The following GPATCH2L variants were observed in gnomAD, a reference collection of about 807,000 sequenced individuals.
The protein encoded by GPATCH2L is G patch domain-containing protein 2-like.
A neutral mutation model predicts 57.4 loss-of-function variants in GPATCH2L; 31 were observed. The observed-to-expected ratio is 0.54, with a 90% CI of 0.41 to 0.73. The LOEUF is 0.73. GPATCH2L is among the 30% of genes least tolerant of loss of function. GPATCH2L has a pLI of 0.00. For missense variants in GPATCH2L, 481 were observed against 599.9 expected, an observed-to-expected ratio of 0.80 and a Z score of 2.07; for synonymous variants, 199 against 210.7, an observed-to-expected ratio of 0.94 and a Z score of 0.48.
intron 2 of GPATCH2L, among the ~76,000 whole-genome samples, chr14:76,163,924 T>A (rs1385764062): frequency 6.6e-6 from 1 of 152,206 alleles, no homozygotes; most frequent in Non-Finnish European, 1.5e-5. Context: ...AAGATATTTT[T>A]TTTCCCTGGC....
chr14:76,179,561 G>A (rs2039476838), intron 7 of GPATCH2L: 1 of 152,188 alleles, frequency 6.6e-6, no homozygotes, highest in African/African-American at 2.4e-5. Flanking sequence ...CAAACTATTT[G>A]CCCAAAGTGA....
chr14:76,181,050 TTAAG>T (rs2039542559), intron 8 of GPATCH2L, among the ~76,000 whole-genome samples: 2 of 152,228 alleles, frequency 1.3e-5, no homozygotes, highest in Non-Finnish European at 2.9e-5. Context: ...TAGTATGTGA[TTAAG>T]TCTCAACTTT....
chr14:76,167,070 T>A (rs189367006), intron 3 of GPATCH2L, among the ~76,000 whole-genome samples: 22 of 152,350 alleles, frequency 1.4e-4, no homozygotes, highest in Admixed American at 4.6e-4. Flanking sequence ...AATAGGTTCA[T>A]GTGTTACTGT....
At chr14:76,231,990 C>G (rs2040568890) in intron 2 of GPATCH2L, among the ~76,000 whole-genome samples, 1 of 152,262 alleles carries the variant, frequency 6.6e-6, no homozygotes, top group Non-Finnish European at 1.5e-5. Context: ...TGCAGCCTCA[C>G]TGCAGCCTCA....
chr14:76,200,109 C>T (rs1276789111), intron 9 of GPATCH2L, among the ~76,000 whole-genome samples: 2 of 152,094 alleles, frequency 1.3e-5, no homozygotes, highest in Non-Finnish European at 2.9e-5. Context: ...TTATAAGCTA[C>T]TAGAATAGTC....
rs2040405925 is a variant in GPATCH2L at position 76,208,579 on chromosome 14, AC to A, written c.*6729del. 6.6e-6 allele frequency: 1 copy of A among 152,370 alleles called. No individual in the cohort carries two copies. The highest frequency in any genetic ancestry group is 1.5e-5 in the Non-Finnish European group (1 of 68,166). The allele number at this position is 152,370 out of a possible 1,614,324, so 9.4% of individuals were successfully genotyped here. On this transcript the variant is annotated 3_prime_UTR_variant, in exon 10 of 10. Transcript: ENST00000261530. ...CCCACTTAGACACCCACACACACAC[AC>A]GCTTCCTTACCTTCTTGCCAGTGCC...
chr14:76,201,225 G>A (rs2040303140), intron 9 of GPATCH2L, among the ~76,000 whole-genome samples: 1 of 152,100 alleles, frequency 6.6e-6, no homozygotes, highest in Non-Finnish European at 1.5e-5. Context: ...TCCAGTATGT[G>A]TGCTTGAATC....
At chr14:76,228,578 C>A (rs1005196174) in intron 1 of GPATCH2L, among the ~76,000 whole-genome samples, 2 of 152,202 alleles carry the variant, frequency 1.3e-5, no homozygotes, top group Admixed American at 1.3e-4. Context: ...ACTTAGTAGG[C>A]TCTTCCCTTC....
chr14:76,182,650 G>A (rs868812765), intron 8 of GPATCH2L, among the ~76,000 whole-genome samples: 36 of 151,032 alleles, frequency 2.4e-4, no homozygotes, highest in South Asian at 4.2e-4. Flanking sequence ...ACTATTAGTA[G>A]TAAGGCCTTT....
chr14:76,178,006 T>G lies in GPATCH2L; in HGVS notation c.1071T>G (p.Ala357=). ...PRQKEKNKAL[A]SDFPHISACA... The stretch of plus-strand genomic sequence containing the variant: ...TCTTTAGAAAGAATAAAGCGTTGGC[T>G]TCTGATTTTCCTCACATTTCTGCTT... Residue 357 remains alanine, a synonymous_variant, in exon 7 of 10, where the codon GCT becomes GCG. Coordinates refer to ENST00000261530, the MANE Select transcript of GPATCH2L (RefSeq NM_017926.4). 6.2e-7 allele frequency: 1 copy of G among 1,607,124 alleles called. No homozygotes were observed. The highest frequency in any genetic ancestry group is 2.2e-5 in the East Asian group (1 of 44,820).
chr14:76,228,171 G>T (rs899990570), intron 1 of GPATCH2L, among the ~76,000 whole-genome samples: 1 of 152,080 alleles, frequency 6.6e-6, no homozygotes, highest in South Asian at 2.1e-4. Flanking sequence ...TTATTGTTTC[G>T]CATCGCCATT....
intron 2 of GPATCH2L, chr14:76,234,493 C>G (rs1212108714): frequency 1.3e-5 from 2 of 152,258 alleles, no homozygotes; most frequent in African/African-American, 4.8e-5. Context: ...CACTCTCTCT[C>G]TGTCCCTCTC....
intron 4 of GPATCH2L, among the ~76,000 whole-genome samples, chr14:76,172,903 G>A (rs1397532230): frequency 6.6e-6 from 1 of 152,174 alleles, no homozygotes; most frequent in Non-Finnish European, 1.5e-5. Context: ...ACTAGCTGAG[G>A]CACACATTGC....
At chr14:76,175,244 G>T (rs2039271197) in intron 5 of GPATCH2L, 1 of 152,158 alleles carries the variant, frequency 6.6e-6, no homozygotes, top group Non-Finnish European at 1.5e-5. Flanking sequence ...GCCTGGAAGG[G>T]AGTGAGGGCC....
chr14:76,188,893 T>G (rs148059795), intron 8 of GPATCH2L, among the ~76,000 whole-genome samples: 1 of 152,112 alleles, frequency 6.6e-6, no homozygotes, highest in East Asian at 1.9e-4. Flanking sequence ...TGGTGAGAGA[T>G]AGGGGTCTAG....
chr14:76,158,106 T>C (rs1170464897), intron 2 of GPATCH2L, among the ~76,000 whole-genome samples: 3 of 152,326 alleles, frequency 2.0e-5, no homozygotes, highest in Middle Eastern at 3.4e-3. Flanking sequence ...ATTTGTTTGT[T>C]CCCCTTGAAT....
intron 1 of GPATCH2L, among the ~76,000 whole-genome samples, chr14:76,227,850 C>T (rs529597123): frequency 3.9e-5 from 6 of 152,268 alleles, no homozygotes; most frequent in South Asian, 4.2e-4. Context: ...AGGAATCCTA[C>T]GTAGAATCAG....
intron 1 of GPATCH2L, among the ~76,000 whole-genome samples, chr14:76,226,078 A>G (rs1300438383): frequency 1.3e-5 from 2 of 152,204 alleles, no homozygotes; most frequent in African/African-American, 4.8e-5. Flanking sequence ...ACATACACAA[A>G]CCCAATCTAC....
At chr14:76,192,548 C>A (rs1566808808) in intron 8 of GPATCH2L, among the ~76,000 whole-genome samples, 1 of 152,082 alleles carries the variant, frequency 6.6e-6, no homozygotes, top group East Asian at 1.9e-4. Context: ...CATTGATACC[C>A]TAGTTTCTTT....
Sources: gnomAD v4.1 joint callset for allele counts (sites outside exome capture counted in the v4.1 genomes callset) on GRCh38, gnomAD v4.1.1 for gene constraint, MANE v1.5 for transcripts, NCBI Gene and HGNC (gene_info 2026-07-23, HGNC 2026-07-21) for gene names.